CCDC57: variants seen among roughly 807,000 people sequenced by gnomAD.
CCDC57 encodes the protein coiled-coil domain containing 57.
In CCDC57, 118 loss-of-function variants were observed where a neutral mutation model predicts 118.9. That is an observed-to-expected ratio of 0.99 (90% CI 0.86 to 1.16). The LOEUF is 1.16. CCDC57 is among the 50% of genes most tolerant of loss of function. The pLI is 0.00. For synonymous variants in CCDC57, 527 were observed against 532.9 expected (o/e 0.99, Z 0.15); for missense variants, 1,300 against 1,320.7 (o/e 0.98, Z 0.24).
exon 16 of CCDC57, chr17:82,151,750 C>T (rs1568279848): frequency 1.9e-6 from 3 of 1,550,244 alleles, no homozygotes; most frequent in African/African-American, 1.4e-5. Context: ...CCTCGGCCTC[C>T]ATAGGCCCTC....
intron 13 of CCDC57, among the ~76,000 whole-genome samples, chr17:82,165,996 T>C (rs763767668): frequency 1.3e-5 from 2 of 152,092 alleles, no homozygotes; most frequent in Non-Finnish European, 2.9e-5. Context: ...AAAATGTCCA[T>C]GATACAGTAA....
intron 19 of CCDC57, among the ~76,000 whole-genome samples, chr17:82,114,019 A>G (rs2035518398): frequency 6.6e-6 from 1 of 152,138 alleles, no homozygotes; most frequent in African/African-American, 2.4e-5. Flanking sequence ...TGTCCATCTC[A>G]CCTTGGCCAT....
At chr17:82,211,841 C>T (rs764060244) in intron 1 of CCDC57, among the ~76,000 whole-genome samples, 2 of 152,188 alleles carry the variant, frequency 1.3e-5, no homozygotes, top group Non-Finnish European at 2.9e-5. Flanking sequence ...GCTGTACCAG[C>T]AGCTCCTGGG....
At chr17:82,101,932 C>G in intron 19 of CCDC57, 66 bp from the exon 19 acceptor site, 1 of 1,425,342 alleles carries the variant, frequency 7.0e-7, no homozygotes, top group Non-Finnish European at 9.4e-7. Flanking sequence ...GCTGTGCTCA[C>G]AGGCACTGCA....
chr17:82,201,384 G>A (rs12451196), intron 3 of CCDC57, among the ~76,000 whole-genome samples, 154 bp downstream of exon 2: 4,195 of 152,308 alleles, frequency 0.028, 284 homozygotes, highest in Admixed American at 0.16. Context: ...CGAGGCACTC[G>A]GCCACTCAGA....
rs546650269 is a variant in CCDC57 at position 82,145,995 on chromosome 17, G to A, written c.2455+5565C>T. 17 of 300,160 alleles carry A rather than the reference G, an allele frequency of 5.7e-5. No individual in the cohort carries two copies. The East Asian group carries it at 1.4e-3, about 25-fold the overall frequency. 18.6% of individuals were successfully genotyped at this position (300,160 alleles called of 1,614,324 possible). On this transcript the variant is annotated intron_variant, in intron 16 of 19. Transcript: ENST00000665763. Reference sequence around the variant, plus strand: ...ACAGGCTCTATGCCTGAAAGCAGCCGAGAGCCAGTGAAGTGGCGGTCAGCT... The same window carrying A: ...ACAGGCTCTATGCCTGAAAGCAGCCAAGAGCCAGTGAAGTGGCGGTCAGCT...
chr17:82,188,991 G>C (rs1279631273), intron 7 of CCDC57, among the ~76,000 whole-genome samples: 2 of 152,214 alleles, frequency 1.3e-5, no homozygotes, highest in Non-Finnish European at 2.9e-5. Flanking sequence ...TAGCAGCCAG[G>C]CACAGTGGAT....
At chr17:82,184,025 GCGCGCGCACACACACACACACACA>G (rs2046578651) in intron 8 of CCDC57, 93 bp from the exon 8 acceptor site, 2 of 388,334 alleles carry the variant, frequency 5.2e-6, no homozygotes, top group African/African-American at 5.6e-5. Flanking sequence ...ATGCGCGCGC[GCGCGCGCACACACACACACACACA>G]CACACACACA....
intron 2 of CCDC57, among the ~76,000 whole-genome samples, chr17:82,205,600 G>A (rs868405423): frequency 6.6e-6 from 1 of 152,144 alleles, no homozygotes; most frequent in Admixed American, 6.5e-5. Context: ...TCCCCACTGG[G>A]TGAGGTTCCT....
chr17:82,122,496 G>A (rs936465354), intron 19 of CCDC57, among the ~76,000 whole-genome samples: 5 of 137,592 alleles, frequency 3.6e-5, no homozygotes, highest in African/African-American at 8.3e-5. Flanking sequence ...GCTTGTGGTC[G>A]CTCTAGGACT....
intron 3 of CCDC57, among the ~76,000 whole-genome samples, chr17:82,199,930 G>A (rs1401241952): frequency 2.6e-5 from 4 of 152,218 alleles, no homozygotes; most frequent in Non-Finnish European, 5.9e-5. Context: ...CGCGAGATGC[G>A]ATAGAGAGAG....
intron 16 of CCDC57, among the ~76,000 whole-genome samples, chr17:82,147,107 A>G (rs2040856550): frequency 6.6e-6 from 1 of 151,930 alleles, no homozygotes; most frequent in South Asian, 2.1e-4. Context: ...TATGGATGGT[A>G]GGTGGATGAG....
rs2047799846 is a variant in CCDC57 at position 82,192,552 on chromosome 17, T to A, written c.851+1204A>T. 6.6e-6 allele frequency among the ~76,000 whole-genome samples: 1 copy of A among 152,228 alleles called. No individual in the cohort carries two copies. Reference sequence around the variant, plus strand: ...AAAACACACGAAGAGAAACAGTGTTTGTCCAGCTTCATCATGGCCACACGG... The same window carrying A: ...AAAACACACGAAGAGAAACAGTGTTAGTCCAGCTTCATCATGGCCACACGG... On this transcript the variant is annotated intron_variant, in intron 7 of 19. Coordinates refer to ENST00000665763, the Ensembl canonical transcript of CCDC57. This position sits in a 1 kb window ranked among gnomAD's most constrained non-coding sequence, Gnocchi z 4.0.
intron 8 of CCDC57, 136 bp downstream of exon 7, chr17:82,188,083 G>T: frequency 1.4e-5 from 8 of 554,702 alleles, no homozygotes; most frequent in South Asian, 3.0e-5. Flanking sequence ...GTTAAGAAAA[G>T]TGACTGAGAG....
chr17:82,101,605 A>T, exon 20 of CCDC57: 1 of 1,264,048 alleles, frequency 7.9e-7, no homozygotes, highest in Non-Finnish European at 1.1e-6. Context: ...ACACCCCCCC[A>T]CAACACGTAG....
rs1237224224 is a variant in CCDC57, at chr17:82,135,627, T to A, written c.2456-1433A>T. Among the ~76,000 whole-genome samples the A allele has an allele frequency of 2.0e-5, 3 of 152,130 alleles. No homozygotes were observed. The East Asian group carries it at 5.8e-4, about 29-fold the overall frequency. On this transcript the variant is annotated intron_variant, in intron 16 of 19. Transcript: ENST00000665763. ...CCCTTGGTTTATAAACACCTGAATT[T>A]AAAAGCCATGAAGTCAGAAGATGCA...
chr17:82,180,117 A>G (rs1225174107), intron 9 of CCDC57, among the ~76,000 whole-genome samples: 1 of 152,176 alleles, frequency 6.6e-6, no homozygotes, highest in African/African-American at 2.4e-5. Context: ...AATGATAGCA[A>G]TTGAGCCACC....
intron 8 of CCDC57, among the ~76,000 whole-genome samples, chr17:82,187,310 G>A (rs1441227703): frequency 6.8e-6 from 1 of 147,538 alleles, no homozygotes; most frequent in Non-Finnish European, 1.5e-5. Context: ...GGTTACAATA[G>A]TAAATTTTAT....
At chr17:82,146,154 G>A (rs1160244752) in intron 16 of CCDC57, among the ~76,000 whole-genome samples, 4 of 152,200 alleles carry the variant, frequency 2.6e-5, no homozygotes, top group African/African-American at 4.8e-5. Context: ...GAAGCATCTA[G>A]AAACAGCCAC....
Sources: allele counts gnomAD v4.1 joint callset (sites outside exome capture counted in the v4.1 genomes callset), GRCh38; gene constraint gnomAD v4.1.1; non-coding constraint Gnocchi (gnomAD v3.1); transcripts MANE v1.5; gene names NCBI Gene and HGNC (gene_info 2026-07-23, HGNC 2026-07-21).